The following SLC10A7 variants were observed in gnomAD, a reference collection of about 807,000 sequenced individuals.
The protein encoded by SLC10A7 is sodium/bile acid cotransporter 7.
In SLC10A7, 29 loss-of-function variants were observed where a neutral mutation model predicts 43.2. The observed-to-expected ratio is 0.67, with a 90% CI of 0.50 to 0.92. The LOEUF (loss-of-function observed/expected upper bound fraction) is 0.92. Ranked by LOEUF, SLC10A7 falls within the 40% of genes least tolerant of loss-of-function variation. SLC10A7 has a pLI of 0.00. For missense variants in SLC10A7, 295 were observed against 403.2 expected (o/e 0.73, Z 2.30); for synonymous variants, 152 against 144.8 (o/e 1.05, Z -0.35).
chr4:146,284,537 C>G (rs1270453945), intron 9 of SLC10A7, among the ~76,000 whole-genome samples: 1 of 152,086 alleles, frequency 6.6e-6, no homozygotes, highest in Non-Finnish European at 1.5e-5. Context: ...CCTTTGGTCT[C>G]TCTTCTGAAA....
At chr4:146,389,941 A>C (rs1254788825) in intron 5 of SLC10A7, among the ~76,000 whole-genome samples, 1 of 152,248 alleles carries the variant, frequency 6.6e-6, no homozygotes, top group East Asian at 1.9e-4. Flanking sequence ...TGCCTAGCTT[A>C]ATAGATGCTC....
intron 4 of SLC10A7, among the ~76,000 whole-genome samples, chr4:146,477,154 A>C (rs190145171): frequency 6.6e-6 from 1 of 152,228 alleles, no homozygotes; most frequent in Non-Finnish European, 1.5e-5. Flanking sequence ...TTGCTAACAC[A>C]TATCTCCAAT....
At chr4:146,404,327 T>A (rs1014077786) in intron 5 of SLC10A7, among the ~76,000 whole-genome samples, 2 of 152,126 alleles carry the variant, frequency 1.3e-5, no homozygotes, top group Admixed American at 1.3e-4. Context: ...ACCAACAGTA[T>A]GAATCTGTAT....
intron 5 of SLC10A7, among the ~76,000 whole-genome samples, chr4:146,372,080 T>A (rs1277300489): frequency 6.6e-6 from 1 of 152,188 alleles, no homozygotes; most frequent in Non-Finnish European, 1.5e-5. Context: ...GGGAATCTGA[T>A]AAAAATCAGG....
At chr4:146,269,785 C>A (rs1356623639) in intron 10 of SLC10A7, among the ~76,000 whole-genome samples, 3 of 152,188 alleles carry the variant, frequency 2.0e-5, no homozygotes, top group African/African-American at 7.2e-5. Flanking sequence ...CACTGCCCCA[C>A]AACCTAGATG....
At chr4:146,406,421 C>T (rs1456766803) in intron 5 of SLC10A7, among the ~76,000 whole-genome samples, 1 of 152,230 alleles carries the variant, frequency 6.6e-6, no homozygotes, top group East Asian at 1.9e-4. Context: ...TTAGCTTAGG[C>T]ACTCCATCTA....
At chr4:146,400,284 G>A (rs927454178) in intron 5 of SLC10A7, among the ~76,000 whole-genome samples, 21 of 152,188 alleles carry the variant, frequency 1.4e-4, no homozygotes, top group African/African-American at 4.8e-4. Context: ...TAAAGGCTGA[G>A]TAGAATGCTA....
intron 5 of SLC10A7, among the ~76,000 whole-genome samples, chr4:146,381,364 C>T (rs1034250189): frequency 2.6e-5 from 4 of 152,086 alleles, no homozygotes; most frequent in African/African-American, 9.7e-5. Context: ...CCTCCCCTCA[C>T]CCCCAGAAAT....
chr4:146,455,393 T>G (rs1401505693), intron 4 of SLC10A7, among the ~76,000 whole-genome samples: 1 of 151,852 alleles, frequency 6.6e-6, no homozygotes, highest in Admixed American at 6.6e-5. Context: ...TGGCCAAGAA[T>G]TCCCCTAACA....
At chr4:146,493,499 A>G (rs963673683) in intron 4 of SLC10A7, among the ~76,000 whole-genome samples, 11 of 151,842 alleles carry the variant, frequency 7.2e-5, no homozygotes, top group South Asian at 2.1e-4. Context: ...AAAAAAAAAA[A>G]AGAGAGAGAG....
At chr4:146,324,604 C>T (rs1732976720) in intron 6 of SLC10A7, among the ~76,000 whole-genome samples, 1 of 152,158 alleles carries the variant, frequency 6.6e-6, no homozygotes, top group South Asian at 2.1e-4. Flanking sequence ...AGTCCCTTGA[C>T]CTACTGCAAG....
chr4:146,389,317 TAA>T (rs59099797), intron 5 of SLC10A7, among the ~76,000 whole-genome samples: 1 of 147,718 alleles, frequency 6.8e-6, no homozygotes. Flanking sequence ...TCTACAAAAA[TAA>T]AAAAAAAAAA....
chr4:146,413,947 A>C (rs1210450470), intron 5 of SLC10A7, among the ~76,000 whole-genome samples: 1 of 152,232 alleles, frequency 6.6e-6, no homozygotes, highest in Non-Finnish European at 1.5e-5. Flanking sequence ...GAGAAAGTTC[A>C]GGATATGATC....
At chr4:146,283,002 C>T (rs1398327848) in intron 10 of SLC10A7, among the ~76,000 whole-genome samples, 190 bp downstream of exon 10, 1 of 152,042 alleles carries the variant, frequency 6.6e-6, no homozygotes, top group African/African-American at 2.4e-5. Flanking sequence ...AATTTTGGCC[C>T]ACAGAGATTT....
chr4:146,434,921 G>A (rs1372893312), intron 5 of SLC10A7, among the ~76,000 whole-genome samples: 1 of 152,150 alleles, frequency 6.6e-6, no homozygotes, highest in African/African-American at 2.4e-5. Flanking sequence ...TTACCTGGAG[G>A]CGATTCAGAA....
At chr4:146,334,598 A>T (rs1733752233) in intron 5 of SLC10A7, among the ~76,000 whole-genome samples, 1 of 152,272 alleles carries the variant, frequency 6.6e-6, no homozygotes, top group African/African-American at 2.4e-5. Flanking sequence ...TAAAATTCAT[A>T]GAAAAGAGGC....
At chr4:146,494,595 G>T (rs907515840) in intron 4 of SLC10A7, among the ~76,000 whole-genome samples, 3 of 152,216 alleles carry the variant, frequency 2.0e-5, no homozygotes, top group African/African-American at 7.2e-5. Flanking sequence ...GGCGTGGAAA[G>T]AAAATCAGGA....
chr4:146,344,080 A>C lies in SLC10A7; in HGVS notation c.436-18084T>G, dbSNP rs146962248. ...CCCGGAAGAGACCACAGAGATTAAC[A>C]ATCTCCCATTACTTTAGCTTCACCT... On this transcript the variant is annotated intron_variant, in intron 5 of 11. Transcript: ENST00000335472. 3.9e-3 allele frequency among the ~76,000 whole-genome samples: 597 copies of C among 152,200 alleles called. 2 individuals are homozygous for C. Among genetic ancestry groups the C allele is most frequent in the African/African-American group, 0.013 (547 of 41,550 alleles).
intron 5 of SLC10A7, among the ~76,000 whole-genome samples, chr4:146,367,175 C>T (rs558565514): frequency 6.6e-6 from 1 of 152,224 alleles, no homozygotes; most frequent in East Asian, 1.9e-4. Context: ...TCTTCTAACA[C>T]AGATAGTCTC....
Sources: allele counts gnomAD v4.1 joint callset (sites outside exome capture counted in the v4.1 genomes callset), GRCh38; gene constraint gnomAD v4.1.1; transcripts MANE v1.5; gene names NCBI Gene and HGNC (gene_info 2026-07-23, HGNC 2026-07-21).